Variants in RNF214 observed in about 807,000 individuals in gnomAD.
RNF214 encodes ring finger protein 214.
RNF214 carries 25 observed loss-of-function variants against 75.9 expected under a neutral mutation model. The observed-to-expected ratio is 0.33, with a 90% confidence interval of 0.24 to 0.46. The LOEUF (loss-of-function observed/expected upper bound fraction) is 0.46. RNF214 is among the 20% of genes least tolerant of loss of function. The pLI is 1.00. For synonymous variants in RNF214, 314 were observed against 308.8 expected, an observed-to-expected ratio of 1.02 and a Z score of -0.18; for missense variants, 725 against 857.5, an observed-to-expected ratio of 0.85 and a Z score of 1.93.
At chr11:117,269,815 T>G (rs1252044978) in intron 6 of RNF214, among the ~76,000 whole-genome samples, 1 of 152,240 alleles carries the variant, frequency 6.6e-6, no homozygotes, top group African/African-American at 2.4e-5. Flanking sequence ...ACATTTTGTG[T>G]ACTCCTTGAC....
At chr11:117,232,987 G>C (rs1460214845) in intron 1 of RNF214, among the ~76,000 whole-genome samples, 3 of 151,938 alleles carry the variant, frequency 2.0e-5, no homozygotes, top group African/African-American at 7.2e-5. Flanking sequence ...AGTCCCCTGT[G>C]GGGGGTGGCC....
chr11:117,261,935 C>G (rs942089873), intron 6 of RNF214, among the ~76,000 whole-genome samples: 1 of 151,972 alleles, frequency 6.6e-6, no homozygotes, highest in African/African-American at 2.4e-5. Flanking sequence ...TGTGAGCCAC[C>G]ACACCTGGCC....
intron 6 of RNF214, among the ~76,000 whole-genome samples, chr11:117,261,536 C>T (rs1010083311): frequency 2.0e-5 from 3 of 152,168 alleles, no homozygotes; most frequent in African/African-American, 4.8e-5. Flanking sequence ...GCTGAGATCA[C>T]GCCACTGCAC....
rs370535418 is a variant in RNF214, at chr11:117,280,177, T to C, written c.1063T>C (p.Ser355Pro). 2 of 1,612,568 alleles carry C rather than the reference T, an allele frequency of 1.2e-6. No homozygotes were observed. The highest frequency in any genetic ancestry group is 1.7e-5 in the Admixed American group (1 of 59,984). ...TERAWKAEILSLESRKELLVL... is the reference protein window; with the variant it reads ...TERAWKAEILPLESRKELLVL... ...ATGTGTGTGGCTTCCTTAGATCTTA[T>C]CACTAGAGAGCCGGAAAGAGTTACT... Residue 355 changes from serine to proline, a missense_variant, in exon 8 of 15, where the codon TCA (serine) becomes CCA (proline). Physicochemically the swap from Ser to Pro is moderately conservative, Grantham distance 74. Coordinates refer to ENST00000300650, the MANE Select transcript of RNF214 (RefSeq NM_207343.4).
intron 4 of RNF214, among the ~76,000 whole-genome samples, chr11:117,243,502 A>C (rs1285327091): frequency 2.0e-5 from 3 of 152,178 alleles, no homozygotes; most frequent in Non-Finnish European, 4.4e-5. Context: ...TTGTTTTAAA[A>C]ATTTTTTTTC....
At chr11:117,274,504 A>C (rs1194256245) in intron 6 of RNF214, among the ~76,000 whole-genome samples, 1 of 150,162 alleles carries the variant, frequency 6.7e-6, no homozygotes, top group Admixed American at 6.7e-5. Context: ...CTGGGATTAC[A>C]GGTGCCCACT....
At chr11:117,280,777 G>T (rs762146123) in intron 8 of RNF214, among the ~76,000 whole-genome samples, 5 of 152,082 alleles carry the variant, frequency 3.3e-5, no homozygotes, top group Non-Finnish European at 7.4e-5. Context: ...ATGGAACTTG[G>T]AGGACCCTTG....
intron 6 of RNF214, among the ~76,000 whole-genome samples, chr11:117,252,894 C>T (rs958479874): frequency 6.6e-6 from 1 of 152,028 alleles, no homozygotes; most frequent in African/African-American, 2.4e-5. Flanking sequence ...TATTCTATCA[C>T]TGGATTGGAA....
chr11:117,268,462 A>C (rs1412274076), intron 6 of RNF214, among the ~76,000 whole-genome samples: 1 of 152,042 alleles, frequency 6.6e-6, no homozygotes, highest in Non-Finnish European at 1.5e-5. Flanking sequence ...GGTCGGGGGG[A>C]GTCTTTTTTA....
chr11:117,248,319 G>A (rs1445584890), intron 6 of RNF214, among the ~76,000 whole-genome samples: 5 of 152,060 alleles, frequency 3.3e-5, no homozygotes, highest in African/African-American at 7.2e-5. Context: ...CTCATGATCC[G>A]CCTGCCTCGG....
At chr11:117,277,982 AAAAAG>A (rs2034048424) in intron 6 of RNF214, among the ~76,000 whole-genome samples, 1 of 151,672 alleles carries the variant, frequency 6.6e-6, no homozygotes. Context: ...TCAAAAAAAA[AAAAAG>A]AAAAGTGGGA....
intron 6 of RNF214, among the ~76,000 whole-genome samples, chr11:117,270,635 A>G (rs1405132460): frequency 1.3e-5 from 2 of 151,160 alleles, no homozygotes; most frequent in Non-Finnish European, 2.9e-5. Flanking sequence ...TTTAGTACAG[A>G]CAGGGTTTTG....
chr11:117,275,100 T>A (rs1159194558), intron 6 of RNF214, among the ~76,000 whole-genome samples: 1 of 152,150 alleles, frequency 6.6e-6, no homozygotes, highest in Non-Finnish European at 1.5e-5. Context: ...TAGAAATCAG[T>A]TTGAAGAGGA....
At chr11:117,257,861 A>G (rs750359120) in intron 6 of RNF214, among the ~76,000 whole-genome samples, 12 of 152,208 alleles carry the variant, frequency 7.9e-5, no homozygotes, top group Non-Finnish European at 1.6e-4. Flanking sequence ...TTGTGATGCT[A>G]TTCAGTAATC....
At position 117,253,061 on chromosome 11, in the gene RNF214, A is replaced by G. The variant is rs536407485; in HGVS notation, c.959+6113A>G. On this transcript the variant is annotated intron_variant, in intron 6 of 14. Transcript: ENST00000300650. Reference sequence around the variant, plus strand: ...AGGATCTCACTCTGTTGGCCCAGCTAGAGTGTAGTGGTACAGTCATGGCTC... The same window carrying G: ...AGGATCTCACTCTGTTGGCCCAGCTGGAGTGTAGTGGTACAGTCATGGCTC... Among the ~76,000 whole-genome samples the G allele has an allele frequency of 3.3e-5, 5 of 152,184 alleles. No individual in the cohort carries two copies. The East Asian group carries it at 7.7e-4, about 24-fold the overall frequency.
rs533703575 is a variant in RNF214, at chr11:117,238,624, A to G, written c.131A>G (p.Gln44Arg). Residue 44 changes from glutamine (Q) to arginine (R), a missense_variant, in exon 3 of 15, where the codon CAG (glutamine) becomes CGG (arginine). This residue lies in a region of RNF214 where 362 missense variants were observed against 344.5 expected (regional missense o/e 1.05). Coordinates refer to ENST00000300650, the MANE Select transcript of RNF214 (RefSeq NM_207343.4). ...AGCACCAAAGACTCTGCACAGAAGC[A>G]GAAGAACTCGCCTCTGTTGAGTGTA... The part of the protein sequence containing the change: ...GLSTKDSAQK[Q>R]KNSPLLSVSS... The G allele has an allele frequency of 6.2e-7, 1 of 1,613,592 alleles. No individual in the cohort carries two copies. The highest frequency in any genetic ancestry group is 8.5e-7 in the Non-Finnish European group (1 of 1,179,608).
chr11:117,256,089 T>C (rs1024494606), intron 6 of RNF214, among the ~76,000 whole-genome samples: 13 of 152,168 alleles, frequency 8.5e-5, no homozygotes, highest in Admixed American at 8.5e-4. Flanking sequence ...AAACTCAGCC[T>C]GTGCCACCTG....
intron 6 of RNF214, among the ~76,000 whole-genome samples, chr11:117,263,632 C>A (rs2033727615): frequency 6.6e-6 from 1 of 152,152 alleles, no homozygotes; most frequent in African/African-American, 2.4e-5. Flanking sequence ...ACAAAAATAT[C>A]AGATTAAAGG....
intron 6 of RNF214, among the ~76,000 whole-genome samples, chr11:117,252,250 C>G (rs1464455863): frequency 1.3e-5 from 2 of 152,148 alleles, no homozygotes; most frequent in Non-Finnish European, 2.9e-5. Context: ...GGAGACTTAT[C>G]TTGTCAGAGC....
Sources: gnomAD v4.1 joint callset for allele counts (sites outside exome capture counted in the v4.1 genomes callset) on GRCh38, gnomAD v4.1.1 for gene constraint, gnomAD v4.1.1 regional missense constraint, MANE v1.5 for transcripts, NCBI Gene and HGNC (gene_info 2026-07-23, HGNC 2026-07-21) for gene names.